The following MYO1H variants were observed in gnomAD, a reference collection of about 807,000 sequenced individuals.
MYO1H encodes the protein unconventional myosin-Ih.
Under a neutral mutation model 149.3 loss-of-function variants are expected in MYO1H, and 118 were observed. The observed-to-expected ratio is 0.79, with a 90% CI of 0.68 to 0.92. The LOEUF (loss-of-function observed/expected upper bound fraction) is 0.92. MYO1H is among the 40% of genes least tolerant of loss of function. The pLI, the probability that MYO1H is intolerant of heterozygous loss-of-function variation, is 0.00. For missense variants in MYO1H, 1,212 were observed against 1,280.7 expected (o/e 0.95, Z 0.82); for synonymous variants, 447 against 465.2 (o/e 0.96, Z 0.50).
intron 13 of MYO1H, among the ~76,000 whole-genome samples, chr12:109,411,541 C>G (rs1015581141): frequency 6.6e-6 from 1 of 152,214 alleles, no homozygotes; most frequent in East Asian, 1.9e-4. Context: ...GGCTTTTCTT[C>G]TACAACAAGA....
At chr12:109,326,376 G>A in the MYO1H span, among the ~76,000 whole-genome samples, 1 of 152,040 alleles carries the variant, frequency 6.6e-6, no homozygotes, top group African/African-American at 2.4e-5. Flanking sequence ...TCCTCCACAT[G>A]GGGGATGAGG....
rs142168675 is a variant in MYO1H, at chr12:109,351,193, T to C, written c.12+3221T>C. Reference sequence around the variant, plus strand: ...CTGGATCTTATTTCAGAGACCTTTATTTTTAATTTTGCAACTGATCTTACT... The same window carrying C: ...CTGGATCTTATTTCAGAGACCTTTACTTTTAATTTTGCAACTGATCTTACT... On this transcript the variant is annotated intron_variant, in intron 1 of 31. Coordinates refer to ENST00000310903, the Ensembl canonical transcript of MYO1H. Among the ~76,000 whole-genome samples the C allele has an allele frequency of 3.1e-3, 474 of 152,314 alleles. 2 individuals are homozygous for C. Among genetic ancestry groups the C allele is most frequent in the African/African-American group, 0.011 (452 of 41,568 alleles).
In MYO1H at chr12:109,443,196, A is replaced by ATGTGTGTGTATATGTGTACGTATATG. The variant is rs1168118158; in HGVS notation, c.2689-311_2689-310insGTATATGTGTACGTATATGTGTGTGT. ...CGTATGTGTGTATATGTGTACGTAT[A>ATGTGTGTGTATATGTGTACGTATATG]TGTGTGTATATGTGTACGTATATGT... On this transcript the variant is annotated intron_variant, in intron 27 of 31. Coordinates refer to ENST00000310903, the Ensembl canonical transcript of MYO1H. Among the ~76,000 whole-genome samples the ATGTGTGTGTATATGTGTACGTATATG allele has an allele frequency of 6.1e-4, 58 of 95,716 alleles. 18 individuals are homozygous for ATGTGTGTGTATATGTGTACGTATATG. Among genetic ancestry groups the ATGTGTGTGTATATGTGTACGTATATG allele is most frequent in the Admixed American group, 1.6e-3 (16 of 9,882 alleles). The allele number at this position is 95,716 out of a possible 152,430, so 62.8% of individuals were successfully genotyped here. A position where few individuals can be genotyped will look rare whatever the true frequency, so the allele number is the denominator to read the frequency against.
At chr12:109,417,790 T>G (rs894839550) in intron 15 of MYO1H, among the ~76,000 whole-genome samples, 1 of 151,814 alleles carries the variant, frequency 6.6e-6, no homozygotes, top group African/African-American at 2.4e-5. Context: ...TTTGCCCATG[T>G]TTTAAGATTG....
At chr12:109,332,071 C>T in the MYO1H span, among the ~76,000 whole-genome samples, 1 of 152,298 alleles carries the variant, frequency 6.6e-6, no homozygotes, top group East Asian at 1.9e-4. Context: ...GTATAAAATA[C>T]TCAGCACAGT....
intron 7 of MYO1H, among the ~76,000 whole-genome samples, chr12:109,404,551 A>G (rs1870296284): frequency 6.6e-6 from 1 of 152,240 alleles, no homozygotes. Context: ...AACAGTGAAG[A>G]ATTTTTTAGT....
intron 21 of MYO1H, among the ~76,000 whole-genome samples, chr12:109,435,392 T>A (rs1402289306): frequency 6.6e-6 from 1 of 152,192 alleles, no homozygotes; most frequent in African/African-American, 2.4e-5. Flanking sequence ...TGTAAAACCG[T>A]GAGAGACCAG....
Position 109,358,795 on chromosome 12 carries a change from A to AT in MYO1H, c.12+10838dup, listed in dbSNP as rs11327582. On this transcript the variant is annotated intron_variant, in intron 1 of 31. Coordinates refer to ENST00000310903, the Ensembl canonical transcript of MYO1H. ...TCAGATAATCTGGCGAGGCTTTAAG[A>AT]TTTTTTTTTTTTTTTCCTCCACCAC... Among the ~76,000 whole-genome samples the AT allele has an allele frequency of 7.1e-3, 881 of 123,546 alleles. 11 individuals carry two copies. The highest frequency in any genetic ancestry group is 0.019 in the African/African-American group (592 of 31,480). 81.1% of individuals were successfully genotyped at this position (123,546 alleles called of 152,430 possible). A position where few individuals can be genotyped will look rare whatever the true frequency, so the allele number is the denominator to read the frequency against.
chr12:109,404,014 C>A (rs1226250250), exon 7 of MYO1H: 3 of 1,613,596 alleles, frequency 1.9e-6, no homozygotes, highest in Admixed American at 1.7e-5. Context: ...CCATTAGTGA[C>A]AAGAATGACT....
chr12:109,377,593 C>T (rs1325548478), intron 1 of MYO1H, among the ~76,000 whole-genome samples: 1 of 152,190 alleles, frequency 6.6e-6, no homozygotes, highest in Non-Finnish European at 1.5e-5. Flanking sequence ...CATACCCAAA[C>T]CAAAGCATTT....
intron 1 of MYO1H, among the ~76,000 whole-genome samples, chr12:109,378,812 G>T (rs933877879): frequency 7.9e-5 from 12 of 151,920 alleles, no homozygotes; most frequent in Non-Finnish European, 1.3e-4. Flanking sequence ...AGGGATAGGG[G>T]TGGGTGTGAA....
chr12:109,447,072 T>C (rs1481071855), intron 31 of MYO1H, 87 bp from the exon 32 acceptor site: 1 of 1,341,272 alleles, frequency 7.5e-7, no homozygotes, highest in Non-Finnish European at 1.0e-6. Context: ...CCCACCTTGC[T>C]AATGGTGACA....
At chr12:109,423,037 G>A (rs1290869832) in intron 16 of MYO1H, among the ~76,000 whole-genome samples, 2 of 152,176 alleles carry the variant, frequency 1.3e-5, no homozygotes, top group South Asian at 2.1e-4. Context: ...AGCTGTGACC[G>A]TGTCATTCAT....
At chr12:109,316,701 G>A in the MYO1H span, among the ~76,000 whole-genome samples, 498 of 152,220 alleles carry the variant, frequency 3.3e-3, 2 homozygotes, top group African/African-American at 0.011. Flanking sequence ...AGGAACAATC[G>A]CTGATTACAT....
chr12:109,330,596 C>T, the MYO1H span, among the ~76,000 whole-genome samples: 2 of 152,106 alleles, frequency 1.3e-5, no homozygotes, highest in African/African-American at 2.4e-5. Context: ...TGTCCCAATT[C>T]GTATATCAGA....
intron 10 of MYO1H, among the ~76,000 whole-genome samples, chr12:109,409,121 C>T (rs1870526240): frequency 6.6e-6 from 1 of 152,104 alleles, no homozygotes; most frequent in African/African-American, 2.4e-5. Flanking sequence ...TAAATACCCA[C>T]CCTGGCCTGA....
chr12:109,421,766 C>T (rs565925502), intron 16 of MYO1H, among the ~76,000 whole-genome samples: 4 of 152,240 alleles, frequency 2.6e-5, no homozygotes, highest in South Asian at 4.2e-4. Context: ...GGGCTGCCGA[C>T]GGAATTCCCA....
At chr12:109,387,416 T>C (rs551006498) in intron 1 of MYO1H, among the ~76,000 whole-genome samples, 1 of 152,362 alleles carries the variant, frequency 6.6e-6, no homozygotes, top group South Asian at 2.1e-4. Context: ...CTAGGACCTT[T>C]GCATATCCAT....
the MYO1H span, among the ~76,000 whole-genome samples, chr12:109,327,739 C>CAAAAAAAAAAAAAAAAAAA: frequency 7.0e-5 from 6 of 85,642 alleles, no homozygotes; most frequent in Non-Finnish European, 1.1e-4. Context: ...AAAACTGTCT[C>CAAAAAAAAAAAAAAAAAAA]AAAAAAAAAA....
Sources: allele counts gnomAD v4.1 joint callset (sites outside exome capture counted in the v4.1 genomes callset), GRCh38; gene constraint gnomAD v4.1.1; transcripts MANE v1.5; gene names NCBI Gene and HGNC (gene_info 2026-07-23, HGNC 2026-07-21).